ZW10: variants seen among roughly 807,000 people sequenced by gnomAD.
The protein encoded by ZW10 is centromere/kinetochore protein zw10 homolog.
In ZW10, 53 loss-of-function variants were observed where a neutral mutation model predicts 87.8. That is an observed-to-expected ratio of 0.60 (90% confidence interval 0.48 to 0.76). The LOEUF is 0.76. Among genes scored for constraint, ZW10 ranks in the 30% least tolerant of loss-of-function variants. ZW10 has a pLI of 0.00. For missense variants in ZW10, 837 were observed against 923.0 expected (o/e 0.91, Z 1.21); for synonymous variants, 312 against 329.2 (o/e 0.95, Z 0.57).
At chr11:113,753,573 T>C (rs1953754583) in intron 7 of ZW10, among the ~76,000 whole-genome samples, 1 of 152,110 alleles carries the variant, frequency 6.6e-6, no homozygotes, top group South Asian at 2.1e-4. Flanking sequence ...GCCCAGCTAA[T>C]TTTTGTATTT....
rs758000201 is a variant in ZW10 at position 113,760,526 on chromosome 11, T to C, written c.407A>G (p.Gln136Arg). The change falls in exon 4 of 16, where the codon CAG becomes CGG. Residue 136 changes from glutamine (Q) to arginine (R), a missense_variant. Coordinates refer to ENST00000200135, the MANE Select transcript of ZW10 (RefSeq NM_004724.4). ...AGCATTTAGTACCTCTTCCAGACGC[T>C]GAGCACCAGTGACATACTTCTTCTC... ...LTEKKYVTGA[Q>R]RLEEAQKCLK... The C allele has an allele frequency of 2.5e-6, 4 of 1,613,820 alleles. No individual in the cohort carries two copies. The highest frequency in any genetic ancestry group is 2.5e-6 in the Non-Finnish European group (3 of 1,179,886).
intron 9 of ZW10, among the ~76,000 whole-genome samples, chr11:113,745,524 A>C (rs1458880971): frequency 6.6e-6 from 1 of 152,204 alleles, no homozygotes; most frequent in Non-Finnish European, 1.5e-5. Flanking sequence ...TGAGAACACA[A>C]ATATCAGGGA....
intron 1 of ZW10, chr11:113,770,083 C>CTTTTTTTTT (rs34348055): frequency 4.8e-5 from 5 of 103,160 alleles, no homozygotes; most frequent in Admixed American, 2.3e-4. Context: ...TGTTAAATTT[C>CTTTTTTTTT]TTTTTTTTTT....
At chr11:113,743,420 C>T (rs1405706354) in intron 10 of ZW10, among the ~76,000 whole-genome samples, 1 of 152,178 alleles carries the variant, frequency 6.6e-6, no homozygotes, top group Non-Finnish European at 1.5e-5. Context: ...AGGTAGGATT[C>T]TAAGTTCTTT....
At chr11:113,758,802 T>C in intron 5 of ZW10, 96 bp from the exon 6 acceptor site, 1 of 1,220,834 alleles carries the variant, frequency 8.2e-7, no homozygotes, top group Non-Finnish European at 1.2e-6. Flanking sequence ...TCCAATGCAG[T>C]TCTATTACAA....
At chr11:113,752,372 A>C (rs562123008) in intron 7 of ZW10, among the ~76,000 whole-genome samples, 2 of 152,224 alleles carry the variant, frequency 1.3e-5, no homozygotes, top group African/African-American at 4.8e-5. Flanking sequence ...CCTAGCCCCC[A>C]ATGTGACTAG....
intron 12 of ZW10, among the ~76,000 whole-genome samples, 191 bp from the exon 13 acceptor site, chr11:113,738,585 C>G (rs1352984677): frequency 1.3e-5 from 2 of 152,140 alleles, no homozygotes; most frequent in Non-Finnish European, 2.9e-5. Flanking sequence ...GTTCCTCAAA[C>G]CCCACCCTCC....
intron 15 of ZW10, among the ~76,000 whole-genome samples, chr11:113,734,676 G>A (rs977381892): frequency 6.6e-5 from 10 of 151,940 alleles, no homozygotes; most frequent in African/African-American, 2.2e-4. Flanking sequence ...GTGGTGATGG[G>A]CACCTTTAAT....
intron 10 of ZW10, among the ~76,000 whole-genome samples, chr11:113,742,575 C>G (rs900189988): frequency 6.6e-6 from 1 of 152,120 alleles, no homozygotes; most frequent in Non-Finnish European, 1.5e-5. Context: ...CTGTTAAAAA[C>G]TATTACTTTT....
chr11:113,734,425 A>C (rs1480943741), intron 15 of ZW10, among the ~76,000 whole-genome samples: 1 of 152,200 alleles, frequency 6.6e-6, no homozygotes, highest in Non-Finnish European at 1.5e-5. Context: ...TGAAAATGAG[A>C]CTAAACAGGA....
intron 12 of ZW10, 140 bp downstream of exon 12, chr11:113,739,073 C>A: frequency 1.1e-6 from 1 of 883,142 alleles, no homozygotes; most frequent in South Asian, 1.9e-5. Flanking sequence ...GAAACACTTG[C>A]AAATTAAATG....
At chr11:113,763,379 C>T (rs886316775) in intron 2 of ZW10, among the ~76,000 whole-genome samples, 6 of 152,160 alleles carry the variant, frequency 3.9e-5, no homozygotes, top group African/African-American at 1.4e-4. Context: ...TGGGTATATA[C>T]CCAGTAATGG....
chr11:113,772,634 A>G lies in ZW10; in HGVS notation c.105+928T>C, dbSNP rs1349197334. ...GGCAGCAACGTTTACGTAGGTACCA[A>G]TGACACTCAGCACAGCTTCATGTGC... On this transcript the variant is annotated intron_variant, in intron 1 of 15. Transcript: ENST00000200135. Among the ~76,000 whole-genome samples, 4 of 152,130 alleles carry G rather than the reference A, an allele frequency of 2.6e-5. No homozygotes were observed. The East Asian group carries it at 7.7e-4, about 29-fold the overall frequency.
chr11:113,752,629 C>T (rs1953745044), intron 7 of ZW10, among the ~76,000 whole-genome samples: 4 of 152,110 alleles, frequency 2.6e-5, no homozygotes, highest in Admixed American at 2.0e-4. Flanking sequence ...TTTGAGATGC[C>T]ATGAACCACT....
chr11:113,741,069 C>T (rs1390197077), intron 11 of ZW10, among the ~76,000 whole-genome samples: 1 of 151,290 alleles, frequency 6.6e-6, no homozygotes, highest in Admixed American at 6.6e-5. Flanking sequence ...TAGTTAAAAA[C>T]ATCCCAATAT....
chr11:113,737,830 A>G, intron 13 of ZW10, 127 bp from the exon 14 acceptor site: 1 of 1,060,672 alleles, frequency 9.4e-7, no homozygotes, highest in East Asian at 2.4e-5. Context: ...AAAGTAACTA[A>G]GGACATATGC....
intron 2 of ZW10, among the ~76,000 whole-genome samples, chr11:113,761,646 T>C (rs529910222): frequency 6.6e-6 from 1 of 152,330 alleles, no homozygotes; most frequent in African/African-American, 2.4e-5. Context: ...TGACTTTACA[T>C]GATCAATTAT....
intron 15 of ZW10, 95 bp downstream of exon 15, chr11:113,736,525 C>A: frequency 7.8e-7 from 1 of 1,281,630 alleles, no homozygotes; most frequent in Non-Finnish European, 1.1e-6. Context: ...GCATGACTAA[C>A]ATCAGGAAAC....
chr11:113,766,971 C>T (rs1030150107), intron 2 of ZW10, among the ~76,000 whole-genome samples: 3 of 151,946 alleles, frequency 2.0e-5, no homozygotes, highest in East Asian at 1.9e-4. Flanking sequence ...GAGCCTAGAT[C>T]GCACCACACA....
Sources: allele counts gnomAD v4.1 joint callset (sites outside exome capture counted in the v4.1 genomes callset), GRCh38; gene constraint gnomAD v4.1.1; transcripts MANE v1.5; gene names NCBI Gene and HGNC (gene_info 2026-07-23, HGNC 2026-07-21).